The following FBXL13 variants were observed in gnomAD, a reference collection of about 807,000 sequenced individuals.
The protein encoded by FBXL13 is F-box and leucine-rich repeat protein 13.
In FBXL13, 67 loss-of-function variants were observed where a neutral mutation model predicts 83.6. The ratio of observed to expected loss-of-function variants is 0.80; its 90% CI spans 0.66 to 0.98. The LOEUF (loss-of-function observed/expected upper bound fraction) is 0.98. Among genes scored for constraint, FBXL13 ranks in the 50% least tolerant of loss-of-function variants. The probability of loss-of-function intolerance (pLI) is 0.00; values close to 1 mark genes in which losing one functional copy is unlikely to be tolerated. For missense variants in FBXL13, 822 were observed against 866.5 expected (o/e 0.95, Z 0.64); for synonymous variants, 272 against 299.5 (o/e 0.91, Z 0.95).
intron 17 of FBXL13, among the ~76,000 whole-genome samples, chr7:102,834,403 G>GATTATATATAT (rs1279218650): frequency 6.9e-6 from 1 of 145,060 alleles, no homozygotes; most frequent in Non-Finnish European, 1.5e-5. Context: ...TATTATATGC[G>GATTATATATAT]ATTATATATA....
intron 6 of FBXL13, chr7:102,976,021 C>T (rs760637232): frequency 7.8e-6 from 6 of 766,352 alleles, no homozygotes; most frequent in Non-Finnish European, 1.2e-5. Context: ...GGTAAACCCA[C>T]GAGGCCATGC....
Position 103,026,761 on chromosome 7 carries a change from C to T in FBXL13, c.327+688G>A, listed in dbSNP as rs1793963611. 2.0e-5 allele frequency among the ~76,000 whole-genome samples: 3 copies of T among 152,110 alleles called. No individual in the cohort carries two copies. The South Asian group carries it at 6.2e-4, about 32-fold the overall frequency. On this transcript the variant is annotated intron_variant, in intron 5 of 19. Transcript: ENST00000313221. ...AATTTAGGTGAGTAGAGGCATTGAT[C>T]CATGGGGCAACCACAAAAGAAGGGG... is the stretch of plus-strand genomic sequence containing the variant.
intron 6 of FBXL13, among the ~76,000 whole-genome samples, chr7:103,022,333 G>A (rs1793287565): frequency 6.7e-6 from 1 of 150,170 alleles, no homozygotes; most frequent in Non-Finnish European, 1.5e-5. Flanking sequence ...CCTGTAGTGG[G>A]GTGGGGGGAG....
At position 102,939,612 on chromosome 7, in the gene FBXL13, A is replaced by G. The variant is rs756402559; in HGVS notation, c.725-7679T>C. ...TAAGTTCCCCTGTATAGCCCCTTCA[A>G]TGGGTGGCAAGTGTTCTGTGATTTT... On this transcript the variant is annotated intron_variant, in intron 8 of 19. Transcript: ENST00000313221. 7 of 1,580,942 alleles carry G rather than the reference A, an allele frequency of 4.4e-6. No homozygotes were observed. In the Admixed American group the frequency reaches 7.4e-5, roughly 17 times the overall value.
intron 7 of FBXL13, 49 bp downstream of exon 8, chr7:102,967,973 C>A: frequency 7.1e-7 from 1 of 1,416,552 alleles, no homozygotes. Context: ...GCAGTCCATT[C>A]TCCTTTAAGA....
intron 8 of FBXL13, among the ~76,000 whole-genome samples, chr7:102,949,839 C>T (rs1189108703): frequency 6.6e-6 from 1 of 152,136 alleles, no homozygotes; most frequent in African/African-American, 2.4e-5. Flanking sequence ...GGCATGGTGG[C>T]TCACACCTGT....
chr7:102,995,815 A>ATAAATAAG (rs2129485040), intron 6 of FBXL13, among the ~76,000 whole-genome samples: 1 of 151,946 alleles, frequency 6.6e-6, no homozygotes, highest in East Asian at 1.9e-4. Context: ...AAATAAATAA[A>ATAAATAAG]TAAAGGCATA....
intron 17 of FBXL13, among the ~76,000 whole-genome samples, chr7:102,854,509 C>T (rs1437165704): frequency 6.6e-6 from 1 of 152,156 alleles, no homozygotes; most frequent in Non-Finnish European, 1.5e-5. Context: ...TACCCTAAAA[C>T]TTAAAGTATA....
At chr7:102,877,424 T>C (rs373356964) in intron 16 of FBXL13, 43 bp downstream of exon 17, 13 of 1,441,898 alleles carry the variant, frequency 9.0e-6, no homozygotes, top group Non-Finnish European at 1.2e-5. Context: ...AATTGTATTA[T>C]AGAAAACAAT....
At position 102,946,784 on chromosome 7, in the gene FBXL13, C is replaced by T. The variant is rs183117024; in HGVS notation, c.725-14851G>A. Among the ~76,000 whole-genome samples the T allele has an allele frequency of 5.5e-3, 841 of 152,158 alleles. 7 individuals are homozygous for T. Among genetic ancestry groups the T allele is most frequent in the African/African-American group, 0.02 (814 of 41,500 alleles). Reference sequence around the variant, plus strand: ...TCGCCTCCTGGGTTCAAGCGATTCTCCTGCCTCAGCCTCCCGAGTAGCTGG... The same window carrying T: ...TCGCCTCCTGGGTTCAAGCGATTCTTCTGCCTCAGCCTCCCGAGTAGCTGG... On this transcript the variant is annotated intron_variant, in intron 8 of 19. Transcript: ENST00000313221.
chr7:103,058,149 T>C (rs926655714), intron 1 of FBXL13, among the ~76,000 whole-genome samples: 1 of 152,132 alleles, frequency 6.6e-6, no homozygotes, highest in African/African-American at 2.4e-5. Flanking sequence ...TCTCCCCCTT[T>C]GCAATGGCTC....
intron 8 of FBXL13, chr7:102,934,591 G>A: frequency 2.5e-6 from 4 of 1,614,052 alleles, no homozygotes; most frequent in Non-Finnish European, 2.5e-6. Context: ...AACCCCAAGT[G>A]TCAGGGAGAC....
intron 8 of FBXL13, among the ~76,000 whole-genome samples, chr7:102,934,943 C>T (rs761713536): frequency 1.1e-4 from 17 of 152,162 alleles, no homozygotes; most frequent in African/African-American, 2.7e-4. Context: ...ATTTGCACAT[C>T]GCAAGCTGTC....
At chr7:102,916,740 T>C (rs1164850227) in intron 10 of FBXL13, among the ~76,000 whole-genome samples, 1 of 151,442 alleles carries the variant, frequency 6.6e-6, no homozygotes, top group African/African-American at 2.4e-5. Flanking sequence ...TTTGAGGCAA[T>C]GTTTACAGCT....
intron 16 of FBXL13, chr7:102,874,495 A>G (rs1808957770): frequency 3.2e-6 from 1 of 317,176 alleles, no homozygotes; most frequent in Admixed American, 6.5e-5. Context: ...CTTAAATTAC[A>G]TATATGCTTC....
intron 14 of FBXL13, among the ~76,000 whole-genome samples, chr7:102,880,222 G>A (rs548134209): frequency 1.3e-5 from 2 of 152,270 alleles, no homozygotes; most frequent in East Asian, 3.9e-4. Flanking sequence ...GGATTGATGT[G>A]TGTTTGAGAA....
chr7:102,825,313 A>T (rs1799436842), intron 18 of FBXL13, among the ~76,000 whole-genome samples: 1 of 152,198 alleles, frequency 6.6e-6, no homozygotes, highest in African/African-American at 2.4e-5. Flanking sequence ...TTAACCTGTT[A>T]TCATGAGAGT....
intron 1 of FBXL13, among the ~76,000 whole-genome samples, chr7:103,070,445 G>A (rs990423925): frequency 2.0e-5 from 3 of 151,958 alleles, no homozygotes; most frequent in Non-Finnish European, 4.4e-5. Context: ...CGAACTCCTG[G>A]CCTCAAGTGA....
chr7:102,835,305 G>A (rs922108545), intron 17 of FBXL13, among the ~76,000 whole-genome samples: 1 of 152,040 alleles, frequency 6.6e-6, no homozygotes, highest in Non-Finnish European at 1.5e-5. Flanking sequence ...ACCTGTCACT[G>A]GAGATAATCA....
Sources: allele counts gnomAD v4.1 joint callset (sites outside exome capture counted in the v4.1 genomes callset), GRCh38; gene constraint gnomAD v4.1.1; transcripts MANE v1.5; gene names NCBI Gene and HGNC (gene_info 2026-07-23, HGNC 2026-07-21).